Variants in AGO3 observed in about 807,000 individuals in gnomAD.
The protein encoded by AGO3 is protein argonaute-3.
Under a neutral mutation model 105.5 loss-of-function variants are expected in AGO3, and 16 were observed. The ratio of observed to expected loss-of-function variants is 0.15; its 90% CI spans 0.10 to 0.23. AGO3 has a LOEUF of 0.23. AGO3 is among the 10% of genes least tolerant of loss of function. The pLI is 1.00. For missense variants in AGO3, 534 were observed against 1,088.0 expected (o/e 0.49, Z 7.16); for synonymous variants, 340 against 367.3 (o/e 0.93, Z 0.85).
At chr1:35,988,293 G>A (rs72661644) in intron 5 of AGO3, among the ~76,000 whole-genome samples, 7,517 of 152,198 alleles carry the variant, frequency 0.049, 268 homozygotes, top group Middle Eastern at 0.085. Context: ...TCATAGGTAT[G>A]TGAGAGACAT....
intron 11 of AGO3, among the ~76,000 whole-genome samples, chr1:36,020,220 T>C (rs2148826158): frequency 6.6e-6 from 1 of 152,368 alleles, no homozygotes; most frequent in South Asian, 2.1e-4. Context: ...TCCTCTTACA[T>C]AGCAATTTTC....
intron 11 of AGO3, among the ~76,000 whole-genome samples, chr1:36,014,500 A>G (rs529819221): frequency 6.7e-6 from 1 of 150,108 alleles, no homozygotes; most frequent in South Asian, 2.2e-4. Context: ...GACCAGGCAC[A>G]GTGGCTCACA....
rs1643042553 is a variant in AGO3 at position 36,062,898 on chromosome 1, G to A, written c.*7153G>A. 1 of 152,040 alleles carries A rather than the reference G, an allele frequency of 6.6e-6. No homozygotes were observed. Among genetic ancestry groups the A allele is most frequent in the Non-Finnish European group, 1.5e-5 (1 of 67,998 alleles). The allele number at this position is 152,040 out of a possible 1,614,324, so 9.4% of individuals were successfully genotyped here. On this transcript the variant is annotated 3_prime_UTR_variant, in exon 19 of 19. Coordinates refer to ENST00000373191, the MANE Select transcript of AGO3 (RefSeq NM_024852.4). ...CATTAAACTTTTTTGTTTTTATAATGTCTTAATAGCAATTATGAGTTTATT... is the reference window on the plus strand; with the variant it reads ...CATTAAACTTTTTTGTTTTTATAATATCTTAATAGCAATTATGAGTTTATT...
At chr1:35,945,554 G>A (rs1306057891) in intron 1 of AGO3, 138 bp from the exon 2 acceptor site, 5 of 824,706 alleles carry the variant, frequency 6.1e-6, no homozygotes, top group Non-Finnish European at 9.6e-6. Flanking sequence ...AAGTTGAAGT[G>A]TTAGAAATGA....
intron 5 of AGO3, among the ~76,000 whole-genome samples, chr1:35,997,404 C>G (rs965582027): frequency 6.6e-6 from 1 of 152,166 alleles, no homozygotes; most frequent in African/African-American, 2.4e-5. Context: ...AGTAGTATGT[C>G]TTCAGTAGAA....
rs1203753533 is a variant in AGO3 at position 36,063,363 on chromosome 1, C to T, written c.*7618C>T. 1 of 147,830 alleles carries T rather than the reference C, an allele frequency of 6.8e-6. No homozygotes were observed. The highest frequency in any genetic ancestry group is 1.5e-5 in the Non-Finnish European group (1 of 66,692). 9.2% of individuals were successfully genotyped at this position (147,830 alleles called of 1,614,324 possible). A position where few individuals can be genotyped will look rare whatever the true frequency, so the allele number is the denominator to read the frequency against. On this transcript the variant is annotated 3_prime_UTR_variant, in exon 19 of 19. Transcript: ENST00000373191. ...TGTCAAATAAATAATTGTTACATGC[C>T]TTTTTTTTTTAAATTTAAGCACATT...
intron 3 of AGO3, among the ~76,000 whole-genome samples, chr1:35,967,981 C>T (rs970310719): frequency 6.6e-6 from 1 of 152,072 alleles, no homozygotes; most frequent in African/African-American, 2.4e-5. Flanking sequence ...TGAAGATTAT[C>T]GGTAAATTAT....
chr1:35,973,597 C>T (rs1305370162), intron 5 of AGO3, 86 bp downstream of exon 5: 1 of 1,273,812 alleles, frequency 7.9e-7, no homozygotes, highest in South Asian at 3.0e-5. Flanking sequence ...ATTATACATA[C>T]TGGTGTCTCG....
At chr1:36,033,486 T>A (rs796314024) in intron 12 of AGO3, among the ~76,000 whole-genome samples, 2,312 of 134,434 alleles carry the variant, frequency 0.017, 50 homozygotes, top group African/African-American at 0.059. Flanking sequence ...TCTACTTAAA[T>A]AAAAAAAAAA....
intron 1 of AGO3, among the ~76,000 whole-genome samples, chr1:35,934,573 A>G (rs1023872397): frequency 8.5e-5 from 13 of 152,216 alleles, no homozygotes; most frequent in Non-Finnish European, 1.6e-4. Flanking sequence ...GATAAAAATT[A>G]TGGGTCAAAA....
intron 2 of AGO3, among the ~76,000 whole-genome samples, chr1:35,952,140 CTTTCTTTCTTTT>C (rs1646483978): frequency 2.3e-5 from 2 of 87,748 alleles, no homozygotes; most frequent in South Asian, 3.7e-4. Flanking sequence ...TTCTTTCTTT[CTTTCTTTCTTTT>C]TTTTTTTTTT....
chr1:36,008,938 C>T lies in AGO3; in HGVS notation c.923C>T (p.Thr308Ile). Residue 308 changes from threonine (T) to isoleucine (I), a missense_variant, in exon 8 of 19, where the codon ACA becomes ATA. This residue lies in a region of AGO3 where 373 missense variants were observed against 854.0 expected (regional missense o/e 0.44). Coordinates refer to ENST00000373191, the MANE Select transcript of AGO3 (RefSeq NM_024852.4). This position sits in a 1 kb window ranked among gnomAD's most constrained non-coding sequence, Gnocchi z 5.1. ...QLENGQTVER[T>I]VAQYFREKYT... Reference sequence around the variant, plus strand: ...GAAAACGGCCAAACTGTGGAGAGAACAGTAGCGCAGTATTTCAGAGAAAAG... The same window carrying T: ...GAAAACGGCCAAACTGTGGAGAGAATAGTAGCGCAGTATTTCAGAGAAAAG... The T allele has an allele frequency of 1.2e-6, 2 of 1,613,752 alleles. No individual in the cohort carries two copies. Among genetic ancestry groups the T allele is most frequent in the Non-Finnish European group, 8.5e-7 (1 of 1,179,988 alleles).
At chr1:35,969,382 C>T (rs1218432209) in intron 3 of AGO3, among the ~76,000 whole-genome samples, 1 of 152,100 alleles carries the variant, frequency 6.6e-6, no homozygotes. Context: ...TTTAAGGATC[C>T]TGTTGCTCAT....
At chr1:36,025,652 C>T (rs753641047) in intron 11 of AGO3, among the ~76,000 whole-genome samples, 16 of 152,130 alleles carry the variant, frequency 1.1e-4, no homozygotes, top group Non-Finnish European at 1.8e-4. Context: ...CACTCAGATC[C>T]TTGACTTAGG....
In AGO3 at chr1:36,069,515, G is replaced by T. The variant is rs986982844; in HGVS notation, c.*13770G>T. The T allele has an allele frequency of 4.6e-5, 7 of 152,198 alleles. No homozygotes were observed. Among genetic ancestry groups the T allele is most frequent in the African/African-American group, 1.7e-4 (7 of 41,450 alleles). The allele number at this position is 152,198 out of a possible 1,614,324, so 9.4% of individuals were successfully genotyped here. On this transcript the variant is annotated 3_prime_UTR_variant, in exon 19 of 19. Transcript: ENST00000373191. Reference sequence around the variant, plus strand: ...AAGGATTCCTTTCCAGTTTGCCTCTGTGAAAATGTCTTTGTTGTAGATCAT... The same window carrying T: ...AAGGATTCCTTTCCAGTTTGCCTCTTTGAAAATGTCTTTGTTGTAGATCAT...
chr1:36,001,619 G>A (rs2148806175), intron 5 of AGO3, among the ~76,000 whole-genome samples: 1 of 152,290 alleles, frequency 6.6e-6, no homozygotes. Flanking sequence ...GACATGAAAA[G>A]ATCTCTAAGA....
At chr1:36,003,709 A>AAAAATATATATATAT (rs1295618675) in intron 5 of AGO3, among the ~76,000 whole-genome samples, 4 of 99,432 alleles carry the variant, frequency 4.0e-5, no homozygotes, top group South Asian at 7.6e-4. Flanking sequence ...AAAAAAAAAA[A>AAAAATATATATATAT]ATATATATAT....
chr1:36,042,348 G>A (rs1299967448), intron 16 of AGO3, among the ~76,000 whole-genome samples: 1 of 152,154 alleles, frequency 6.6e-6, no homozygotes, highest in Non-Finnish European at 1.5e-5. Context: ...GCCTCCCAAA[G>A]TGCTAGGATT....
At chr1:35,989,857 GAA>G (rs1391327784) in intron 5 of AGO3, among the ~76,000 whole-genome samples, 1 of 151,698 alleles carries the variant, frequency 6.6e-6, no homozygotes, top group African/African-American at 2.4e-5. Flanking sequence ...CTGGGTGACA[GAA>G]CAAGACCCTG....
Sources: gnomAD v4.1 joint callset for allele counts (sites outside exome capture counted in the v4.1 genomes callset) on GRCh38, gnomAD v4.1.1 for gene constraint, gnomAD v4.1.1 regional missense constraint, Gnocchi (gnomAD v3.1) non-coding constraint, MANE v1.5 for transcripts, NCBI Gene and HGNC (gene_info 2026-07-23, HGNC 2026-07-21) for gene names.